Variants in KLC1 observed in about 807,000 individuals in gnomAD.
KLC1 encodes kinesin light chain 1, also known as kinesin 2 60/70kDa.
A neutral mutation model predicts 84.2 loss-of-function variants in KLC1; 30 were observed. The observed-to-expected ratio is 0.36, with a 90% CI of 0.27 to 0.48. The LOEUF (loss-of-function observed/expected upper bound fraction) is 0.48, where lower values mean the gene tolerates loss of function less well. KLC1 is among the 20% of genes least tolerant of loss of function. The pLI, the probability that KLC1 is intolerant of heterozygous loss-of-function variation, is 0.99. For synonymous variants in KLC1, 289 were observed against 293.3 expected (o/e 0.99, Z 0.15); for missense variants, 499 against 805.4 (o/e 0.62, Z 4.60).
chr14:103,671,093 C>T (rs1445721795), intron 7 of KLC1, among the ~76,000 whole-genome samples: 2 of 152,068 alleles, frequency 1.3e-5, no homozygotes, highest in Non-Finnish European at 2.9e-5. Context: ...GACAGTGGAA[C>T]ATGTGCTTGT....
chr14:103,675,808 A>G (rs767044840), intron 11 of KLC1, 52 bp downstream of exon 11: 1 of 1,465,910 alleles, frequency 6.8e-7, no homozygotes, highest in Non-Finnish European at 9.6e-7. Flanking sequence ...GGGGGAAGGT[A>G]ATTGTGTTCT....
At chr14:103,685,160 T>C (rs1595551522) in intron 13 of KLC1, 1 of 1,461,494 alleles carries the variant, frequency 6.8e-7, no homozygotes, top group Non-Finnish European at 9.1e-7. Context: ...TTTTGGATTA[T>C]CAACTGCATG....
intron 5 of KLC1, 52 bp downstream of exon 5, chr14:103,662,979 A>C: frequency 8.0e-7 from 1 of 1,251,466 alleles, no homozygotes; most frequent in Non-Finnish European, 1.1e-6. Context: ...AATGTTTTTA[A>C]CCATCTTGCC....
chr14:103,652,065 GC>G (rs1340300054), intron 1 of KLC1, among the ~76,000 whole-genome samples: 3 of 152,320 alleles, frequency 2.0e-5, no homozygotes, highest in Admixed American at 2.0e-4. Context: ...TAAAACACTT[GC>G]ATCTGCTAGT....
At chr14:103,668,002 G>C (rs3783406) in intron 5 of KLC1, among the ~76,000 whole-genome samples, 2,755 of 152,318 alleles carry the variant, frequency 0.018, 74 homozygotes, top group African/African-American at 0.058. Context: ...AAAATGGAGG[G>C]AGACTGGGTA....
chr14:103,684,433 G>C (rs2081614338), intron 13 of KLC1, among the ~76,000 whole-genome samples: 2 of 152,204 alleles, frequency 1.3e-5, no homozygotes, highest in Admixed American at 1.3e-4. Flanking sequence ...CCAGTTGAAT[G>C]GAAATCTGCC....
intron 13 of KLC1, among the ~76,000 whole-genome samples, chr14:103,680,534 T>A (rs909321057): frequency 6.6e-6 from 1 of 152,210 alleles, no homozygotes; most frequent in Admixed American, 6.5e-5. Flanking sequence ...AAATAAATAT[T>A]TTATAAAAAA....
chr14:103,670,621 A>C (rs1013697171), intron 7 of KLC1, among the ~76,000 whole-genome samples: 1 of 151,382 alleles, frequency 6.6e-6, no homozygotes, highest in Non-Finnish European at 1.5e-5. Flanking sequence ...AGGCTGAGCC[A>C]CTGTGCCCGG....
At chr14:103,700,296 G>C (rs2083051673) in intron 15 of KLC1, 1 of 249,720 alleles carries the variant, frequency 4.0e-6, no homozygotes, top group Admixed American at 5.3e-5. Flanking sequence ...GCTCCCAGGA[G>C]AGCTTCCAGG....
At chr14:103,665,459 AG>A (rs1206055509) in intron 5 of KLC1, among the ~76,000 whole-genome samples, 2 of 151,414 alleles carry the variant, frequency 1.3e-5, no homozygotes, top group Non-Finnish European at 2.9e-5. Flanking sequence ...GTCTTGATGG[AG>A]TTTTGCTCTT....
At chr14:103,698,645 A>G in intron 15 of KLC1, 1 of 724,788 alleles carries the variant, frequency 1.4e-6, no homozygotes, top group South Asian at 1.7e-5. Flanking sequence ...TGTGGCCACC[A>G]TCTTCGGATG....
chr14:103,691,171 T>TTTC, intron 14 of KLC1, among the ~76,000 whole-genome samples: 1 of 150,412 alleles, frequency 6.6e-6, no homozygotes, highest in African/African-American at 2.4e-5. Context: ...TTTTTTTTTT[T>TTTC]TTTCTGAGAC....
intron 1 of KLC1, among the ~76,000 whole-genome samples, chr14:103,648,107 C>A (rs144578603): frequency 3.3e-5 from 5 of 151,602 alleles, no homozygotes. Flanking sequence ...CACGCCACCA[C>A]GCCTGGCTAA....
chr14:103,695,784 C>A (rs1453158513), intron 15 of KLC1: 1 of 985,256 alleles, frequency 1.0e-6, no homozygotes, highest in Non-Finnish European at 1.2e-6. Flanking sequence ...GCTGTGGGAG[C>A]ACTGTGTGTT....
rs2080580287 is a variant in KLC1, at chr14:103,673,425, G to A, written c.1255G>A (p.Val419Ile). 1 of 1,590,202 alleles carries A rather than the reference G, an allele frequency of 6.3e-7. No individual in the cohort carries two copies. Among genetic ancestry groups the A allele is most frequent in the Non-Finnish European group, 8.6e-7 (1 of 1,167,056 alleles). The change falls in exon 9 of 17, where the codon GTA (valine) becomes ATA (isoleucine). Residue 419 changes from valine to isoleucine, a missense_variant. Val to Ile is a conservative substitution (Grantham distance 29). Transcript: ENST00000334553. ...TRAHEREFGS[V>I]DDENKPIWMH... ...TGCACATGAAAGGGAGTTTGGTTCT[G>A]TAGATGGTAAGAAATATACTCCCGT...
chr14:103,665,425 T>C (rs114576827), intron 5 of KLC1, among the ~76,000 whole-genome samples: 2,369 of 152,064 alleles, frequency 0.016, 55 homozygotes, highest in African/African-American at 0.053. Flanking sequence ...TTGTCTTGTC[T>C]TGTCCTGTCC....
At position 103,693,862 on chromosome 14, in the gene KLC1, A is replaced by G. The variant is rs1411668729; in HGVS notation, c.1848+1437A>G. ...GACCGCGACCCGGCCAGGCTGGCTC[A>G]GGGAGGCCGAGGTGGCGCTGAGGTG... is the stretch of plus-strand genomic sequence containing the variant. On this transcript the variant is annotated intron_variant, in intron 15 of 16. Coordinates refer to ENST00000334553, the MANE Select transcript of KLC1 (RefSeq NM_001394837.1). The surrounding 1 kb of genome is among the most constrained non-coding windows in gnomAD (Gnocchi z 5.1). 4 of 1,366,484 alleles carry G rather than the reference A, an allele frequency of 2.9e-6. No homozygotes were observed. Among genetic ancestry groups the G allele is most frequent in the Non-Finnish European group, 2.8e-6 (3 of 1,061,962 alleles). The allele number at this position is 1,366,484 out of a possible 1,614,324, so 84.6% of individuals were successfully genotyped here.
At chr14:103,699,780 C>A (rs1338395894) in intron 15 of KLC1, 7 of 622,712 alleles carry the variant, frequency 1.1e-5, no homozygotes, top group Non-Finnish European at 2.0e-5. Context: ...TTCAGGCTCA[C>A]ACAACTGGTT....
intron 13 of KLC1, chr14:103,684,941 C>G (rs376933291): frequency 6.9e-5 from 54 of 787,240 alleles, no homozygotes; most frequent in Middle Eastern, 2.2e-4. Context: ...GTCCTCCCCA[C>G]ATTTTTGAGG....
Sources: gnomAD v4.1 joint callset for allele counts (sites outside exome capture counted in the v4.1 genomes callset) on GRCh38, gnomAD v4.1.1 for gene constraint, Gnocchi (gnomAD v3.1) non-coding constraint, MANE v1.5 for transcripts, NCBI Gene and HGNC (gene_info 2026-07-23, HGNC 2026-07-21) for gene names.